Variants in USP29 observed in about 807,000 individuals in gnomAD.
USP29 encodes ubiquitin specific peptidase 29.
For synonymous variants in USP29, 386 were observed against 387.4 expected (o/e 1.00, Z 0.04); for missense variants, 1,102 against 1,069.0 (o/e 1.03, Z -0.43).
chr19:57,127,448 G>A (rs1297162606), intron 3 of USP29, among the ~76,000 whole-genome samples: 1 of 152,158 alleles, frequency 6.6e-6, no homozygotes, highest in Non-Finnish European at 1.5e-5. Flanking sequence ...CCCCTGACTG[G>A]GACTGTTACC....
At chr19:57,126,802 C>A (rs1277810945) in intron 3 of USP29, among the ~76,000 whole-genome samples, 2 of 152,082 alleles carry the variant, frequency 1.3e-5, no homozygotes, top group East Asian at 3.9e-4. Flanking sequence ...TGTGTCCTTG[C>A]TGAACAGGAG....
intron 1 of USP29, among the ~76,000 whole-genome samples, chr19:57,121,554 T>C (rs1568453968): frequency 7.1e-6 from 1 of 140,094 alleles, no homozygotes; most frequent in Non-Finnish European, 1.5e-5. Context: ...CTATGTATAC[T>C]TATATATGTT....
At chr19:57,120,631 A>G (rs970398874) in intron 1 of USP29, among the ~76,000 whole-genome samples, 12 of 151,630 alleles carry the variant, frequency 7.9e-5, no homozygotes, top group Non-Finnish European at 1.5e-4. Flanking sequence ...TACTAAAAAT[A>G]CAAAAATTAG....
chr19:57,128,536 A>G, intron 3 of USP29, 124 bp from the exon 4 acceptor site: 1 of 1,010,150 alleles, frequency 9.9e-7, no homozygotes, highest in Non-Finnish European at 1.4e-6. Flanking sequence ...ACCCCAAAAG[A>G]GTATTTTACT....
Position 57,131,279 on chromosome 19 carries a change from A to C in USP29, c.2604A>C (p.Lys868Asn), listed in dbSNP as rs756536272. 1.2e-6 allele frequency: 2 copies of C among 1,614,160 alleles called. No homozygotes were observed. Among genetic ancestry groups the C allele is most frequent in the Admixed American group, 3.3e-5 (2 of 60,018 alleles). Residue 868 changes from lysine to asparagine, a missense_variant, in exon 4 of 4, where the codon AAA (lysine) becomes AAC (asparagine). By Grantham distance (94) the Lys-to-Asn change is moderately conservative (BLOSUM62 0). Coordinates refer to ENST00000254181, the MANE Select transcript of USP29 (RefSeq NM_020903.3). ...GTGTATCAGAAATCTCAGAGACCAAAATGCAGGAGGCGAGGCTTCACTCTG... is the reference window on the plus strand; with the variant it reads ...GTGTATCAGAAATCTCAGAGACCAACATGCAGGAGGCGAGGCTTCACTCTG... Reference protein sequence around the residue: ...DLCVSEISETKMQEARLHSGY... With the variant: ...DLCVSEISETNMQEARLHSGY...
chr19:57,129,747 AT>A lies in USP29; in HGVS notation c.1075del (p.Ser359GlnfsTer19). The A allele has an allele frequency of 1.2e-6, 2 of 1,614,126 alleles. No homozygotes were observed. Among genetic ancestry groups the A allele is most frequent in the Non-Finnish European group, 1.7e-6 (2 of 1,180,028 alleles). ...RELLGNVKKV[I>X]SAVAEIFSGN... ...ATTACTTGGGAATGTTAAAAAAGTC[AT>A]TTCAGCAGTTGCAGAAATATTTTCT... On this transcript the variant is annotated frameshift_variant, in exon 4 of 4. Transcript: ENST00000254181. LOFTEE classifies it low-confidence loss of function (END_TRUNC).
At position 57,129,992 on chromosome 19, in the gene USP29, A is replaced by G; in HGVS notation, c.1317A>G (p.Lys439=). The G allele has an allele frequency of 6.2e-7, 1 of 1,614,180 alleles. No homozygotes were observed. The highest frequency in any genetic ancestry group is 8.5e-7 in the Non-Finnish European group (1 of 1,180,036). ...AATTGCAGCTCTCCCTTATTTGTAA[A>G]GCTTGTGGTCATGCTGTTCTCAAGG... ...EFELQLSLIC[K]ACGHAVLKVE... Residue 439 remains lysine (K), a synonymous_variant, in exon 4 of 4, where the codon AAA becomes AAG. Coordinates refer to ENST00000254181, the MANE Select transcript of USP29 (RefSeq NM_020903.3).
At chr19:57,128,200 T>C (rs1187579424) in intron 3 of USP29, among the ~76,000 whole-genome samples, 1 of 152,208 alleles carries the variant, frequency 6.6e-6, no homozygotes, top group Non-Finnish European at 1.5e-5. Context: ...AGAGCGGAGC[T>C]GTTCCTATTT....
chr19:57,129,348 G>A lies in USP29; in HGVS notation c.673G>A (p.Gly225Arg), dbSNP rs747408433. 21 of 1,613,952 alleles carry A rather than the reference G, an allele frequency of 1.3e-5. No individual in the cohort carries two copies. The highest frequency in any genetic ancestry group is 1.6e-4 in the Middle Eastern group (1 of 6,084). ...DLEKDRDLKL[G>R]PSFNTNCNGN... Reference sequence around the variant, plus strand: ...AGAAAAAGATAGAGATTTGAAACTCGGGCCTTCATTCAATACCAACTGTAA... The same window carrying A: ...AGAAAAAGATAGAGATTTGAAACTCAGGCCTTCATTCAATACCAACTGTAA... The change falls in exon 4 of 4, where the codon GGG (glycine) becomes AGG (arginine). Residue 225 changes from glycine (G) to arginine (R), a missense_variant. By Grantham distance (125) the Gly-to-Arg change is moderately radical. Coordinates refer to ENST00000254181, the MANE Select transcript of USP29 (RefSeq NM_020903.3).
At position 57,129,702 on chromosome 19, in the gene USP29, A is replaced by C. The variant is rs1409501353; in HGVS notation, c.1027A>C (p.Ser343Arg). ...TQLLALKDFC[S>R]TKIKRELLGN... ...GCTGCTTGCTTTGAAAGATTTCTGT[A>C]GTACAAAGATCAAGAGAGAATTACT... Residue 343 changes from serine to arginine, a missense_variant, in exon 4 of 4, where the codon AGT becomes CGT. Transcript: ENST00000254181. The C allele has an allele frequency of 1.2e-6, 2 of 1,613,936 alleles. No homozygotes were observed. Among genetic ancestry groups the C allele is most frequent in the Non-Finnish European group, 8.5e-7 (1 of 1,179,958 alleles).
At chr19:57,126,400 A>G (rs2086824668) in intron 3 of USP29, among the ~76,000 whole-genome samples, 2 of 151,960 alleles carry the variant, frequency 1.3e-5, no homozygotes, top group South Asian at 4.2e-4. Flanking sequence ...ATACCAATCA[A>G]TCGTAGGTTT....
Position 57,131,315 on chromosome 19 carries a change from C to A in USP29, c.2640C>A (p.Phe880Leu). 1.2e-6 allele frequency: 2 copies of A among 1,614,174 alleles called. No individual in the cohort carries two copies. Among genetic ancestry groups the A allele is most frequent in the Non-Finnish European group, 1.7e-6 (2 of 1,180,034 alleles). Residue 880 changes from phenylalanine (F) to leucine (L), a missense_variant, in exon 4 of 4, where the codon TTC becomes TTA. By Grantham distance (22) the Phe-to-Leu change is conservative. Coordinates refer to ENST00000254181, the MANE Select transcript of USP29 (RefSeq NM_020903.3). ...QEARLHSGYI[F>L]FYMHNGIFEE... ...CGAGGCTTCACTCTGGGTATATCTTCTTTTACATGCACAATGGGATTTTTG... is the reference window on the plus strand; with the variant it reads ...CGAGGCTTCACTCTGGGTATATCTTATTTTACATGCACAATGGGATTTTTG...
intron 1 of USP29, among the ~76,000 whole-genome samples, chr19:57,121,646 T>C (rs552866521): frequency 6.8e-6 from 1 of 147,144 alleles, no homozygotes; most frequent in African/African-American, 2.5e-5. Context: ...TTATATGTTA[T>C]ATATACTTAC....
chr19:57,130,101 T>G lies in USP29; in HGVS notation c.1426T>G (p.Phe476Val). Residue 476 changes from phenylalanine to valine, a missense_variant, in exon 4 of 4, where the codon TTC becomes GTC. Phe to Val is a conservative substitution (Grantham distance 50). Transcript: ENST00000254181. The part of the protein sequence containing the change: ...PLSIQNSLDL[F>V]FKEEELEYNC... ...GTCCATTCAGAATTCTTTAGATCTT[T>G]TCTTTAAAGAAGAAGAGCTTGAATA... 6.2e-7 allele frequency: 1 copy of G among 1,613,518 alleles called. No individual in the cohort carries two copies. Among genetic ancestry groups the G allele is most frequent in the South Asian group, 1.1e-5 (1 of 90,850 alleles).
rs1347533511 is a variant in USP29 at position 57,130,884 on chromosome 19, T to A, written c.2209T>A (p.Cys737Ser). ...AGGAATGGCTGAACAGCTCCAGCAG[T>A]GTATTGAGGAGAGCATCATAGATGA... is the stretch of plus-strand genomic sequence containing the variant. ...SQGMAEQLQQ[C>S]IEESIIDEFL... Residue 737 changes from cysteine (C) to serine (S), a missense_variant, in exon 4 of 4, where the codon TGT (cysteine) becomes AGT (serine). Cys to Ser is a moderately radical substitution (Grantham distance 112, BLOSUM62 -1). Coordinates refer to ENST00000254181, the MANE Select transcript of USP29 (RefSeq NM_020903.3). 1 of 1,613,918 alleles carries A rather than the reference T, an allele frequency of 6.2e-7. No individual in the cohort carries two copies. Among genetic ancestry groups the A allele is most frequent in the East Asian group, 2.2e-5 (1 of 44,878 alleles).
At position 57,129,465 on chromosome 19, in the gene USP29, C is replaced by T. The variant is rs2086842642; in HGVS notation, c.790C>T (p.Gln264Ter). 1.2e-6 allele frequency: 2 copies of T among 1,614,204 alleles called. No individual in the cohort carries two copies. The stretch of plus-strand genomic sequence containing the variant: ...ATCTCCATTGGAACCAGAGCACAGC[C>T]AGGGTGACCCAAGATGCAACAAAGC... ...LTSPLEPEHS[Q>*]GDPRCNKAQV... The change falls in exon 4 of 4, where the codon CAG becomes TAG. Residue 264 changes from glutamine to a stop codon, truncating the protein, a stop_gained. Coordinates refer to ENST00000254181, the MANE Select transcript of USP29 (RefSeq NM_020903.3). LOFTEE classifies it low-confidence loss of function (END_TRUNC).
In USP29 at chr19:57,129,928, A is replaced by G. The variant is rs34233382; in HGVS notation, c.1253A>G (p.Lys418Arg). ...PQMHVGSAAT[K>R]VFVCPVVANF... ...ATGCATGTTGGTAGTGCTGCCACCA[A>G]AGTGTTTGTTTGCCCTGTTGTTGCT... is the stretch of plus-strand genomic sequence containing the variant. Residue 418 changes from lysine to arginine, a missense_variant, in exon 4 of 4, where the codon AAA (lysine) becomes AGA (arginine). Lys to Arg is a conservative substitution (Grantham distance 26). Transcript: ENST00000254181. 887 of 1,614,178 alleles carry G rather than the reference A, an allele frequency of 5.5e-4. 4 individuals carry two copies. The African/African-American group carries it at 0.011, about 19-fold the overall frequency.
chr19:57,127,630 A>G (rs900099464), intron 3 of USP29, among the ~76,000 whole-genome samples: 5 of 152,022 alleles, frequency 3.3e-5, no homozygotes, highest in African/African-American at 7.2e-5. Flanking sequence ...GCCTCCCCCA[A>G]CCAAGTTCCA....
At chr19:57,120,998 G>A (rs1161213918) in intron 1 of USP29, among the ~76,000 whole-genome samples, 4 of 150,950 alleles carry the variant, frequency 2.6e-5, no homozygotes, top group Non-Finnish European at 5.9e-5. Context: ...AGGAGGCTTA[G>A]GCAGGAGAAT....
Sources: allele counts gnomAD v4.1 joint callset (sites outside exome capture counted in the v4.1 genomes callset), GRCh38; gene constraint gnomAD v4.1.1; transcripts MANE v1.5; gene names NCBI Gene and HGNC (gene_info 2026-07-23, HGNC 2026-07-21).